Variants in SLC5A10 observed in about 807,000 individuals in gnomAD.
SLC5A10 encodes the protein sodium/mannose cotransporter SLC5A10.
A neutral mutation model predicts 68.9 loss-of-function variants in SLC5A10; 55 were observed. The ratio of observed to expected loss-of-function variants is 0.80; its 90% CI spans 0.64 to 1.00. The LOEUF is 1.00. SLC5A10 is among the 50% of genes least tolerant of loss of function. The pLI is 0.00. For synonymous variants in SLC5A10, 344 were observed against 344.8 expected (o/e 1.00, Z 0.02); for missense variants, 732 against 819.3 (o/e 0.89, Z 1.30).
rs2044157184 is a variant in SLC5A10, at chr17:19,017,183, C to T, written c.1241+1984C>T. 4.6e-6 allele frequency: 5 copies of T among 1,094,466 alleles called. No homozygotes were observed. Among genetic ancestry groups the T allele is most frequent in the Non-Finnish European group, 4.0e-6 (3 of 747,076 alleles). The allele number at this position is 1,094,466 out of a possible 1,614,324, so 67.8% of individuals were successfully genotyped here. A position where few individuals can be genotyped will look rare whatever the true frequency, so the allele number is the denominator to read the frequency against. Reference sequence around the variant, plus strand: ...CGTGGTGCAGGGCAGGTTGCTCACCCTCTCTGGGCCCCAGTTCTCTCAGCT... The same window carrying T: ...CGTGGTGCAGGGCAGGTTGCTCACCTTCTCTGGGCCCCAGTTCTCTCAGCT... On this transcript the variant is annotated intron_variant, in intron 11 of 14. Coordinates refer to ENST00000395645, the MANE Select transcript of SLC5A10 (RefSeq NM_001042450.4). The surrounding 1 kb of genome is among the most constrained non-coding windows in gnomAD (Gnocchi z 5.6).
upstream of SLC5A10, chr17:18,952,017 C>A: frequency 1.1e-6 from 1 of 921,622 alleles, no homozygotes; most frequent in Non-Finnish European, 1.5e-6. Context: ...GGATCTGCAC[C>A]CCACCATGGG....
rs201696809 is a variant in SLC5A10 at position 18,971,431 on chromosome 17, C to A, written c.846+213C>A. 2.3e-5 allele frequency: 37 copies of A among 1,613,830 alleles called. 1 individual carries two copies. In the African/African-American group the frequency reaches 4.7e-4, roughly 20 times the overall value. On this transcript the variant is annotated intron_variant, in intron 8 of 14. Transcript: ENST00000395645. This position sits in a 1 kb window ranked among gnomAD's most constrained non-coding sequence, Gnocchi z 5.5. The stretch of plus-strand genomic sequence containing the variant: ...CCGATGAGGCCCACTGGCTACCGCC[C>A]GTCCTGGCCTTTAGGTGCTTCGACT...
At position 18,969,082 on chromosome 17, in the gene SLC5A10, C is replaced by A; in HGVS notation, c.484C>A (p.His162Asn). ...CCTGTACGCGGGGGCTCTGTTTGTG[C>A]ACATCTGCCTGGGCTGGAACTTCTA... ...LDLYAGALFV[H>N]ICLGWNFYLS... Residue 162 changes from histidine to asparagine, a missense_variant, in exon 6 of 15, where the codon CAC becomes AAC. His to Asn is a moderately conservative substitution (Grantham distance 68). Transcript: ENST00000395645. The A allele has an allele frequency of 6.2e-7, 1 of 1,614,058 alleles. No homozygotes were observed. The highest frequency in any genetic ancestry group is 8.5e-7 in the Non-Finnish European group (1 of 1,179,976).
rs757467227 is a variant in SLC5A10 at position 18,971,147 on chromosome 17, G to A, written c.775G>A (p.Gly259Arg). ...GCACATGTTTCGAGACCCCCACACA[G>A]GGGACCTGCCGTGGACCGGGATGAC... is the stretch of plus-strand genomic sequence containing the variant. ...AMHMFRDPHTGDLPWTGMTFG... is the reference protein window; with the variant it reads ...AMHMFRDPHTRDLPWTGMTFG... Residue 259 changes from glycine to arginine, a missense_variant, in exon 8 of 15, where the codon GGG becomes AGG. Coordinates refer to ENST00000395645, the MANE Select transcript of SLC5A10 (RefSeq NM_001042450.4). The surrounding 1 kb of genome is among the most constrained non-coding windows in gnomAD (Gnocchi z 5.5). 1 of 1,614,064 alleles carries A rather than the reference G, an allele frequency of 6.2e-7. No homozygotes were observed. The highest frequency in any genetic ancestry group is 1.7e-5 in the Admixed American group (1 of 60,028).
intron 9 of SLC5A10, among the ~76,000 whole-genome samples, chr17:18,991,762 A>G (rs1051266281): frequency 2.6e-5 from 4 of 152,176 alleles, no homozygotes; most frequent in African/African-American, 9.7e-5. Context: ...TGCGCAGGCC[A>G]CACAGCCCAG....
intron 7 of SLC5A10, chr17:18,969,640 C>T (rs566878762): frequency 1.7e-4 from 86 of 504,930 alleles, no homozygotes; most frequent in African/African-American, 1.4e-3. Flanking sequence ...CCTGCTGCCC[C>T]GCTGTTACCA....
Position 19,004,130 on chromosome 17 carries a change from G to T in SLC5A10, c.983-9280G>T. 7.6e-7 allele frequency: 1 copy of T among 1,307,624 alleles called. No homozygotes were observed. Among genetic ancestry groups the T allele is most frequent in the Non-Finnish European group, 1.0e-6 (1 of 954,974 alleles). 81.0% of individuals were successfully genotyped at this position (1,307,624 alleles called of 1,614,324 possible). On this transcript the variant is annotated intron_variant, in intron 9 of 14. Transcript: ENST00000395645. The surrounding 1 kb of genome is among the most constrained non-coding windows in gnomAD (Gnocchi z 5.4). ...CCCAGCTGGGGCACCGCGCGCTCGG[G>T]GGCCTCTCCGCGGCCTCTGCTTCTC...
At chr17:18,987,391 G>A (rs2043297362) in intron 9 of SLC5A10, among the ~76,000 whole-genome samples, 1 of 152,228 alleles carries the variant, frequency 6.6e-6, no homozygotes, top group Non-Finnish European at 1.5e-5. Flanking sequence ...CCTGGCGCAC[G>A]GCCAATGCAA....
At chr17:18,998,791 G>A (rs952518235) in intron 9 of SLC5A10, among the ~76,000 whole-genome samples, 2 of 152,212 alleles carry the variant, frequency 1.3e-5, no homozygotes, top group African/African-American at 2.4e-5. Context: ...CCAGCTGTGC[G>A]CCCCACAAGG....
At position 19,021,897 on chromosome 17, in the gene SLC5A10, T is replaced by C. The variant is rs1390975823; in HGVS notation, c.*1466T>C. On this transcript the variant is annotated 3_prime_UTR_variant, in exon 15 of 15. Coordinates refer to ENST00000395645, the MANE Select transcript of SLC5A10 (RefSeq NM_001042450.4). This position sits in a 1 kb window ranked among gnomAD's most constrained non-coding sequence, Gnocchi z 4.1. ...ACTCTGACAGAGCTGGGGGTGTCCATGTCCTCTCTGGACCTCAGTTCCTGT... is the reference window on the plus strand; with the variant it reads ...ACTCTGACAGAGCTGGGGGTGTCCACGTCCTCTCTGGACCTCAGTTCCTGT... 3.5e-6 allele frequency: 5 copies of C among 1,422,610 alleles called. No individual in the cohort carries two copies. In the Admixed American group the frequency reaches 8.9e-5, roughly 25 times the overall value. The allele number at this position is 1,422,610 out of a possible 1,614,324, so 88.1% of individuals were successfully genotyped here. A position where few individuals can be genotyped will look rare whatever the true frequency, so the allele number is the denominator to read the frequency against.
chr17:18,998,885 C>T (rs1352155058), intron 9 of SLC5A10, among the ~76,000 whole-genome samples: 1 of 152,222 alleles, frequency 6.6e-6, no homozygotes, highest in Non-Finnish European at 1.5e-5. Flanking sequence ...GAGTGGCCTT[C>T]CTCCTGGTCC....
At chr17:19,008,037 G>A (rs1405913216) in intron 9 of SLC5A10, among the ~76,000 whole-genome samples, 1 of 152,186 alleles carries the variant, frequency 6.6e-6, no homozygotes, top group Non-Finnish European at 1.5e-5. Context: ...CACTGGTAAG[G>A]GTTTGGGGAG....
At chr17:18,979,660 C>T (rs1485437010) in intron 9 of SLC5A10, 8 of 1,613,406 alleles carry the variant, frequency 5.0e-6, no homozygotes, top group South Asian at 1.1e-5. Flanking sequence ...CCCGCTGCTC[C>T]GCACTCTGAG....
At position 19,015,218 on chromosome 17, in the gene SLC5A10, G is replaced by T; in HGVS notation, c.1241+19G>T. 2 of 543,414 alleles carry T rather than the reference G, an allele frequency of 3.7e-6. No individual in the cohort carries two copies. Among genetic ancestry groups the T allele is most frequent in the Non-Finnish European group, 6.5e-6 (2 of 309,154 alleles). 33.7% of individuals were successfully genotyped at this position (543,414 alleles called of 1,614,324 possible). A position where few individuals can be genotyped will look rare whatever the true frequency, so the allele number is the denominator to read the frequency against. Reference sequence around the variant, plus strand: ...TGGGACGGTACGGGGGTGGGGGCCAGTACGGGGGTGGGGGAACACTACAAG... The same window carrying T: ...TGGGACGGTACGGGGGTGGGGGCCATTACGGGGGTGGGGGAACACTACAAG... On this transcript the variant is annotated intron_variant, in intron 11 of 14. Transcript: ENST00000395645.
chr17:19,015,339 C>T, intron 11 of SLC5A10, 140 bp downstream of exon 11: 1 of 612,024 alleles, frequency 1.6e-6, no homozygotes, highest in Non-Finnish European at 2.9e-6. Context: ...GCCAGTGTAC[C>T]CCATCCATAC....
At position 19,003,964 on chromosome 17, in the gene SLC5A10, G is replaced by A. The variant is rs771104476; in HGVS notation, c.983-9446G>A. The A allele has an allele frequency of 2.5e-6, 4 of 1,612,870 alleles. No homozygotes were observed. The highest frequency in any genetic ancestry group is 2.5e-6 in the Non-Finnish European group (3 of 1,179,918). ...GCGCCAGCCGCTGCTCCTCGCTGTA[G>A]AAGAACTCAGGCTTGGACTCGCTGG... On this transcript the variant is annotated intron_variant, in intron 9 of 14. Coordinates refer to ENST00000395645, the MANE Select transcript of SLC5A10 (RefSeq NM_001042450.4). The surrounding 1 kb of genome is among the most constrained non-coding windows in gnomAD (Gnocchi z 4.5).
At chr17:18,955,945 A>G (rs975232706) in intron 1 of SLC5A10, among the ~76,000 whole-genome samples, 2 of 152,188 alleles carry the variant, frequency 1.3e-5, no homozygotes, top group African/African-American at 4.8e-5. Flanking sequence ...CTGTAATCCC[A>G]GCACTTTGGG....
At chr17:18,975,155 C>G (rs1944469238) in intron 8 of SLC5A10, among the ~76,000 whole-genome samples, 1 of 152,186 alleles carries the variant, frequency 6.6e-6, no homozygotes, top group South Asian at 2.1e-4. Context: ...CTAGACAGAA[C>G]CACCGTCTAA....
chr17:18,977,007 C>G lies in SLC5A10; in HGVS notation c.982+18C>G, dbSNP rs112313380. On this transcript the variant is annotated intron_variant, in intron 9 of 14. Transcript: ENST00000395645. ...GTTCCCAGGTAGGACGGGCTCCGGG[C>G]ACTGAACCCAGGCTGCAGGGCACCC... 2.0e-4 allele frequency: 321 copies of G among 1,609,730 alleles called. No individual in the cohort carries two copies. In the African/African-American group the frequency reaches 3.6e-3, roughly 18 times the overall value.
Sources: allele counts gnomAD v4.1 joint callset (sites outside exome capture counted in the v4.1 genomes callset), GRCh38; gene constraint gnomAD v4.1.1; non-coding constraint Gnocchi (gnomAD v3.1); transcripts MANE v1.5; gene names NCBI Gene and HGNC (gene_info 2026-07-23, HGNC 2026-07-21).